Variants in PWP1 observed in about 807,000 individuals in gnomAD.
PWP1 encodes periodic tryptophan protein 1 homolog.
PWP1 carries 47 observed loss-of-function variants against 69.9 expected under a neutral mutation model. The ratio of observed to expected loss-of-function variants is 0.67; its 90% CI spans 0.53 to 0.86. The LOEUF is 0.86. Among genes scored for constraint, PWP1 ranks in the 40% least tolerant of loss-of-function variants. PWP1 has a pLI of 0.00. For synonymous variants in PWP1, 222 were observed against 208.2 expected (o/e 1.07, Z -0.57); for missense variants, 551 against 608.8 (o/e 0.91, Z 1.00).
chr12:107,703,464 CCAAA>C (rs1250635588), intron 9 of PWP1, among the ~76,000 whole-genome samples: 1 of 152,178 alleles, frequency 6.6e-6, no homozygotes, highest in Non-Finnish European at 1.5e-5. Flanking sequence ...AAGTATTCTG[CCAAA>C]CAGTTTGGGG....
intron 5 of PWP1, 151 bp from the exon 6 acceptor site, chr12:107,696,323 G>A: frequency 8.2e-7 from 1 of 1,224,454 alleles, no homozygotes; most frequent in Non-Finnish European, 1.1e-6. Flanking sequence ...ACGAGCCACT[G>A]CGCCCAGCCT....
chr12:107,698,532 AAAAT>A (rs1241012605), intron 7 of PWP1, among the ~76,000 whole-genome samples: 1 of 152,192 alleles, frequency 6.6e-6, no homozygotes, highest in Non-Finnish European at 1.5e-5. Flanking sequence ...TGTCTCTAAA[AAAAT>A]AAACTACTAT....
At chr12:107,686,441 A>G (rs1036744607) in intron 1 of PWP1, among the ~76,000 whole-genome samples, 4 of 152,192 alleles carry the variant, frequency 2.6e-5, no homozygotes, top group African/African-American at 7.2e-5. Context: ...GTGGAGGCTA[A>G]GATGTCGTGA....
intron 8 of PWP1, among the ~76,000 whole-genome samples, chr12:107,701,970 G>A (rs746771109): frequency 2.0e-5 from 3 of 152,122 alleles, no homozygotes; most frequent in Admixed American, 1.3e-4. Flanking sequence ...GAGCCACCGC[G>A]CCCAGCCCCA....
chr12:107,686,321 C>T (rs1889364503), intron 1 of PWP1, among the ~76,000 whole-genome samples: 1 of 152,162 alleles, frequency 6.6e-6, no homozygotes, highest in Non-Finnish European at 1.5e-5. Flanking sequence ...TTCACTAGCA[C>T]CCAAGTGCAT....
At chr12:107,690,422 G>T (rs1889456465) in intron 3 of PWP1, among the ~76,000 whole-genome samples, 2 of 152,136 alleles carry the variant, frequency 1.3e-5, no homozygotes, top group Non-Finnish European at 2.9e-5. Context: ...AAAAATATCA[G>T]TATCTGTTAG....
intron 3 of PWP1, among the ~76,000 whole-genome samples, chr12:107,691,726 CCTCA>C (rs1164093800): frequency 6.6e-6 from 1 of 152,158 alleles, no homozygotes; most frequent in Admixed American, 6.5e-5. Context: ...ACCCTGATTT[CCTCA>C]CTCCATCTGA....
At chr12:107,699,503 C>T in intron 8 of PWP1, 69 bp downstream of exon 8, 2 of 1,249,156 alleles carry the variant, frequency 1.6e-6, no homozygotes, top group Non-Finnish European at 2.3e-6. Flanking sequence ...CATGCCTACA[C>T]TCATCTCTTT....
At chr12:107,689,857 A>G (rs560514513) in intron 3 of PWP1, among the ~76,000 whole-genome samples, 71 of 152,336 alleles carry the variant, frequency 4.7e-4, no homozygotes, top group East Asian at 2.9e-3. Flanking sequence ...CTGAGATGAC[A>G]ACTACCTATA....
chr12:107,708,941 G>A lies in PWP1; in HGVS notation c.1093G>A (p.Gly365Ser). 3.7e-6 allele frequency: 6 copies of A among 1,613,374 alleles called. No homozygotes were observed. The highest frequency in any genetic ancestry group is 1.1e-5 in the South Asian group (1 of 91,052). Residue 365 changes from glycine (G) to serine (S), a missense_variant, in exon 12 of 15, where the codon GGC becomes AGC. Transcript: ENST00000412830. ...PCHFLASTDD[G>S]FVYNLDARSD... ...CTCTTTCTAGGCCAGTACAGATGAC[G>A]GCTTTGTATATAATTTGGATGCACG...
At chr12:107,712,043 A>C in intron 14 of PWP1, 68 bp from the exon 15 acceptor site, 7 of 1,303,444 alleles carry the variant, frequency 5.4e-6, no homozygotes, top group Non-Finnish European at 7.7e-6. Context: ...TCTGCATTTT[A>C]GTGTCTTTTT....
chr12:107,694,736 A>C (rs985109505), intron 5 of PWP1, among the ~76,000 whole-genome samples: 1 of 152,174 alleles, frequency 6.6e-6, no homozygotes, highest in African/African-American at 2.4e-5. Context: ...CTGAGAACTT[A>C]ACAGTCATTC....
At chr12:107,699,064 C>A (rs946618138) in intron 7 of PWP1, among the ~76,000 whole-genome samples, 1 of 152,110 alleles carries the variant, frequency 6.6e-6, no homozygotes, top group Non-Finnish European at 1.5e-5. Context: ...TTCCTGACCA[C>A]CCTGGCCAAC....
intron 3 of PWP1, among the ~76,000 whole-genome samples, chr12:107,691,734 C>T (rs149497660): frequency 2.0e-5 from 3 of 152,306 alleles, no homozygotes; most frequent in African/African-American, 7.2e-5. Context: ...TTCCTCACTC[C>T]ATCTGAATTG....
chr12:107,690,713 G>A (rs946003573), intron 3 of PWP1, among the ~76,000 whole-genome samples: 1 of 152,106 alleles, frequency 6.6e-6, no homozygotes, highest in Non-Finnish European at 1.5e-5. Context: ...CGCCTGCCTC[G>A]GCCTGAAAAA....
At chr12:107,690,919 T>C (rs1889468528) in intron 3 of PWP1, among the ~76,000 whole-genome samples, 1 of 151,760 alleles carries the variant, frequency 6.6e-6, no homozygotes, top group African/African-American at 2.4e-5. Flanking sequence ...GGAAGAGCAG[T>C]GTAGTTGGAG....
chr12:107,686,969 CAAAAAAAAAAAAAAAAAAAA>C (rs61728433), intron 1 of PWP1, among the ~76,000 whole-genome samples: 46,325 of 110,020 alleles, frequency 0.42, 8,225 homozygotes, highest in East Asian at 0.66. Flanking sequence ...GACTCCGTCT[CAAAAAAAAAAAAAAAAAAAA>C]AAAAAAAAAA....
In PWP1 at chr12:107,710,520, TTTAG is replaced by T; in HGVS notation, c.1396+13_1396+16del. On this transcript the variant is annotated intron_variant, in intron 14 of 14. Transcript: ENST00000412830. ...AGCACAGTCTCTTCAGGTAAGGATT[TTTAG>T]TTCTCTGCACACCTCCCCCTGCCCC... 1 of 1,608,844 alleles carries T rather than the reference TTTAG, an allele frequency of 6.2e-7. No individual in the cohort carries two copies. Among genetic ancestry groups the T allele is most frequent in the South Asian group, 1.1e-5 (1 of 90,794 alleles).
chr12:107,703,672 T>G lies in PWP1; in HGVS notation c.904-13T>G. On this transcript the variant is annotated splice_polypyrimidine_tract_variant and intron_variant, in intron 9 of 14. Transcript: ENST00000412830. ...CCAACAGAGATCTCTGCATTTATGT[T>G]TCCTCCCTTTAGGTCCAAACACTGC... 6.3e-7 allele frequency: 1 copy of G among 1,591,346 alleles called. No homozygotes were observed. Among genetic ancestry groups the G allele is most frequent in the African/African-American group, 1.3e-5 (1 of 74,470 alleles).
Sources: allele counts gnomAD v4.1 joint callset (sites outside exome capture counted in the v4.1 genomes callset), GRCh38; gene constraint gnomAD v4.1.1; transcripts MANE v1.5; gene names NCBI Gene and HGNC (gene_info 2026-07-23, HGNC 2026-07-21).